Variants in PSD3 observed in about 807,000 individuals in gnomAD.
PSD3 encodes pleckstrin and Sec7 domain containing 3, also known as PH and SEC7 domain-containing protein 3.
In PSD3, 49 loss-of-function variants were observed where a neutral mutation model predicts 105.5. The observed-to-expected ratio is 0.46, with a 90% CI of 0.37 to 0.59. The LOEUF is 0.59. PSD3 is among the 20% of genes least tolerant of loss of function. The pLI is 0.00. For missense variants in PSD3, 1,561 were observed against 1,263.8 expected, an observed-to-expected ratio of 1.24 and a Z score of -3.57; for synonymous variants, 557 against 457.8, an observed-to-expected ratio of 1.22 and a Z score of -2.77.
intron 1 of PSD3, among the ~76,000 whole-genome samples, chr8:19,006,377 A>G (rs1353433653): frequency 6.6e-6 from 1 of 151,648 alleles, no homozygotes; most frequent in Non-Finnish European, 1.5e-5. Flanking sequence ...TTCACATAGT[A>G]CCTAGCCCAT....
intron 9 of PSD3, among the ~76,000 whole-genome samples, chr8:18,687,603 C>A (rs1800731560): frequency 6.6e-6 from 1 of 152,014 alleles, no homozygotes; most frequent in Non-Finnish European, 1.5e-5. Flanking sequence ...TGTTCAGTCC[C>A]TCTGCCCGAA....
At chr8:18,733,928 A>G (rs1048931814) in intron 9 of PSD3, 6 of 152,350 alleles carry the variant, frequency 3.9e-5, no homozygotes, top group African/African-American at 9.6e-5. Context: ...GACCACACAG[A>G]AGGCCAAAAC....
At chr8:18,768,267 C>A (rs1585901202) in intron 8 of PSD3, among the ~76,000 whole-genome samples, 1 of 151,580 alleles carries the variant, frequency 6.6e-6, no homozygotes, top group East Asian at 1.9e-4. Flanking sequence ...GCCTGAGCGA[C>A]AGAGAGAGAG....
At chr8:19,008,079 G>C (rs972301378) in intron 1 of PSD3, among the ~76,000 whole-genome samples, 2 of 152,038 alleles carry the variant, frequency 1.3e-5, no homozygotes, top group Non-Finnish European at 2.9e-5. Flanking sequence ...GCTGACCTCA[G>C]GCGATCCACC....
intron 1 of PSD3, among the ~76,000 whole-genome samples, chr8:18,993,233 T>C (rs2162426): frequency 0.45 from 68,426 of 151,942 alleles, 15,819 homozygotes; most frequent in Non-Finnish European, 0.51. Context: ...TCCAAACACT[T>C]ACTGGTAACT....
intron 1 of PSD3, among the ~76,000 whole-genome samples, chr8:19,003,096 G>C (rs912050643): frequency 3.3e-5 from 5 of 152,088 alleles, no homozygotes; most frequent in African/African-American, 1.2e-4. Flanking sequence ...GTGAGGCACA[G>C]AGATGTTAAA....
chr8:18,883,965 A>T (rs1202771738), intron 2 of PSD3, among the ~76,000 whole-genome samples: 1 of 152,192 alleles, frequency 6.6e-6, no homozygotes, highest in East Asian at 1.9e-4. Context: ...AAACATATTA[A>T]TATTATGTTA....
intron 1 of PSD3, among the ~76,000 whole-genome samples, chr8:18,975,401 T>G (rs571951458): frequency 6.7e-6 from 1 of 149,630 alleles, no homozygotes; most frequent in African/African-American, 2.5e-5. Context: ...GGCTCAGGAG[T>G]AGAAGGCTAT....
At chr8:18,965,471 A>G (rs1177909020) in intron 1 of PSD3, among the ~76,000 whole-genome samples, 4 of 152,180 alleles carry the variant, frequency 2.6e-5, no homozygotes, top group Non-Finnish European at 2.9e-5. Context: ...CGGGGGTGAC[A>G]GTGACAGCAA....
chr8:18,772,406 T>C (rs1563248391), intron 8 of PSD3, among the ~76,000 whole-genome samples: 1 of 152,166 alleles, frequency 6.6e-6, no homozygotes, highest in Non-Finnish European at 1.5e-5. Context: ...TTTTTTTTGA[T>C]AGCAATGATC....
At chr8:18,570,843 C>CTATTATTATTATTATTATTATTAT (rs57603961) in intron 14 of PSD3, among the ~76,000 whole-genome samples, 41 of 117,420 alleles carry the variant, frequency 3.5e-4, no homozygotes, top group African/African-American at 9.6e-4. Flanking sequence ...CTGCTTAAAA[C>CTATTATTATTATTATTATTATTAT]TATTATTATT....
chr8:18,797,302 A>G (rs1039645485), intron 8 of PSD3, among the ~76,000 whole-genome samples: 1 of 152,180 alleles, frequency 6.6e-6, no homozygotes, highest in African/African-American at 2.4e-5. Context: ...ATTCACTGTT[A>G]TTGATAATTT....
intron 9 of PSD3, among the ~76,000 whole-genome samples, chr8:18,701,468 A>G (rs1179733944): frequency 1.3e-5 from 2 of 152,194 alleles, no homozygotes; most frequent in Non-Finnish European, 1.5e-5. Flanking sequence ...AAAACATACT[A>G]TGTATCAAGA....
chr8:18,561,417 A>C (rs1172028659), intron 14 of PSD3, among the ~76,000 whole-genome samples: 17 of 152,186 alleles, frequency 1.1e-4, no homozygotes. Flanking sequence ...ATGGAATCTA[A>C]AACAATTGAA....
At chr8:18,575,094 A>G (rs1430131875) in intron 13 of PSD3, 34 bp downstream of exon 13, 1 of 1,602,128 alleles carries the variant, frequency 6.2e-7, no homozygotes, top group Admixed American at 1.7e-5. Context: ...AGTGAACTAA[A>G]ACACAAAATC....
chr8:19,016,943 G>T (rs187997169), upstream of PSD3, among the ~76,000 whole-genome samples: 1 of 151,876 alleles, frequency 6.6e-6, no homozygotes, highest in East Asian at 1.9e-4. Flanking sequence ...CCTCTTAAAG[G>T]CCCCACCTCT....
At position 18,867,878 on chromosome 8, in the gene PSD3, G is replaced by T. The variant is rs542388808; in HGVS notation, c.1430C>A (p.Pro477His). 62 of 1,614,090 alleles carry T rather than the reference G, an allele frequency of 3.8e-5. 1 individual carries two copies. The East Asian group carries it at 9.8e-4, about 26-fold the overall frequency. ...GCGCTGTTGTATCATTGGAGTGAGG[G>T]GCATTTCAAAGCTAAAATAGCTATC... ...EPDSYFSFEM[P>H]LTPMIQQRIK... The change falls in exon 4 of 16, where the codon CCC (proline) becomes CAC (histidine). Residue 477 changes from proline to histidine, a missense_variant. Physicochemically the swap from Pro to His is moderately conservative, Grantham distance 77. Transcript: ENST00000327040.
At chr8:18,920,734 G>A (rs900698225) in intron 2 of PSD3, among the ~76,000 whole-genome samples, 2 of 152,070 alleles carry the variant, frequency 1.3e-5, no homozygotes, top group Non-Finnish European at 2.9e-5. Context: ...AGTTCTTCCT[G>A]GTGTGGTACT....
intron 8 of PSD3, among the ~76,000 whole-genome samples, chr8:18,775,868 C>A (rs573721485): frequency 6.4e-4 from 97 of 152,220 alleles, no homozygotes; most frequent in African/African-American, 2.2e-3. Context: ...GCATTTGTTG[C>A]TCATAATTTA....
Sources: gnomAD v4.1 joint callset for allele counts (sites outside exome capture counted in the v4.1 genomes callset) on GRCh38, gnomAD v4.1.1 for gene constraint, MANE v1.5 for transcripts, NCBI Gene and HGNC (gene_info 2026-07-23, HGNC 2026-07-21) for gene names.